Variants in OXR1 observed in about 807,000 individuals in gnomAD.
OXR1 encodes the protein oxidation resistance protein 1.
In OXR1, 41 loss-of-function variants were observed where a neutral mutation model predicts 104.6. That is an observed-to-expected ratio of 0.39 (90% CI 0.31 to 0.51). OXR1 has a LOEUF of 0.51. Among genes scored for constraint, OXR1 ranks in the 20% least tolerant of loss-of-function variants. OXR1 has a pLI of 0.77. For synonymous variants in OXR1, 348 were observed against 348.4 expected (o/e 1.00, Z 0.01); for missense variants, 955 against 1,031.9 (o/e 0.93, Z 1.02).
At chr8:106,360,841 A>T (rs1350300435) in intron 2 of OXR1, among the ~76,000 whole-genome samples, 1 of 152,150 alleles carries the variant, frequency 6.6e-6, no homozygotes, top group Non-Finnish European at 1.5e-5. Context: ...CTCCTGGCAA[A>T]TTGTGTGTAG....
chr8:106,304,024 T>C (rs1010164857), intron 1 of OXR1, among the ~76,000 whole-genome samples: 4 of 152,180 alleles, frequency 2.6e-5, no homozygotes, highest in East Asian at 1.9e-4. Flanking sequence ...CACAGGAAAA[T>C]TCATTCAATC....
chr8:106,499,326 T>C (rs1304306414), intron 2 of OXR1, among the ~76,000 whole-genome samples: 1 of 152,194 alleles, frequency 6.6e-6, no homozygotes, highest in Non-Finnish European at 1.5e-5. Flanking sequence ...ATGAAAAATG[T>C]TATTTCTAGT....
chr8:106,690,234 A>G (rs1829143599), intron 6 of OXR1, among the ~76,000 whole-genome samples: 1 of 150,838 alleles, frequency 6.6e-6, no homozygotes, highest in Non-Finnish European at 1.5e-5. Context: ...ATGTATTATA[A>G]TAAAACTATA....
rs867844034 is a variant in OXR1, at chr8:106,405,237, G to A, written c.23+45601G>A. Among the ~76,000 whole-genome samples, 69 of 119,394 alleles carry A rather than the reference G, an allele frequency of 5.8e-4. 2 individuals are homozygous for A. The highest frequency in any genetic ancestry group is 3.0e-3 in the African/African-American group (56 of 18,378). 78.3% of individuals were successfully genotyped at this position (119,394 alleles called of 152,430 possible). On this transcript the variant is annotated intron_variant, in intron 2 of 16. Transcript: ENST00000517566. ...TGTGTGTGTGTGTGTGTGTGTGTGTGTGTATAGGCTCATGTGATTATGGAG... is the reference window on the plus strand; with the variant it reads ...TGTGTGTGTGTGTGTGTGTGTGTGTATGTATAGGCTCATGTGATTATGGAG...
At chr8:106,708,115 G>C (rs760204003) in intron 9 of OXR1, among the ~76,000 whole-genome samples, 5 of 152,076 alleles carry the variant, frequency 3.3e-5, no homozygotes, top group Non-Finnish European at 7.4e-5. Context: ...AAGTTGGCCA[G>C]GCATGGTGGC....
intron 1 of OXR1, among the ~76,000 whole-genome samples, chr8:106,298,455 C>T (rs760638291): frequency 5.9e-5 from 9 of 152,122 alleles, no homozygotes; most frequent in Admixed American, 1.3e-4. Context: ...TTACCTCCCA[C>T]GACATGTGGG....
At chr8:106,400,104 AT>A (rs1168224809) in intron 2 of OXR1, among the ~76,000 whole-genome samples, 1 of 151,846 alleles carries the variant, frequency 6.6e-6, no homozygotes, top group Non-Finnish European at 1.5e-5. Flanking sequence ...TTCCTGAATC[AT>A]TTCTTGATTA....
intron 1 of OXR1, among the ~76,000 whole-genome samples, chr8:106,287,854 T>G (rs544767522): frequency 9.2e-4 from 140 of 152,290 alleles, no homozygotes; most frequent in African/African-American, 3.3e-3. Flanking sequence ...AATACTTGAT[T>G]TGTTATTAGT....
At chr8:106,360,859 A>T (rs144165005) in intron 2 of OXR1, among the ~76,000 whole-genome samples, 1 of 152,256 alleles carries the variant, frequency 6.6e-6, no homozygotes, top group East Asian at 1.9e-4. Flanking sequence ...TAGGAGATGA[A>T]TTCTCAAAAA....
intron 3 of OXR1, among the ~76,000 whole-genome samples, chr8:106,564,627 G>C (rs1307111795): frequency 6.6e-6 from 1 of 152,042 alleles, no homozygotes; most frequent in Non-Finnish European, 1.5e-5. Flanking sequence ...TCCCTAACTC[G>C]TTTTATGAGG....
chr8:106,481,951 T>A (rs560991374), intron 2 of OXR1, among the ~76,000 whole-genome samples: 1 of 152,108 alleles, frequency 6.6e-6, no homozygotes, highest in Non-Finnish European at 1.5e-5. Context: ...GATAATACAT[T>A]TGAGATACTG....
intron 14 of OXR1, among the ~76,000 whole-genome samples, chr8:106,741,249 A>G (rs1834893856): frequency 6.6e-6 from 1 of 152,184 alleles, no homozygotes; most frequent in Non-Finnish European, 1.5e-5. Flanking sequence ...CAAACATAAT[A>G]TTGAATTAGA....
chr8:106,742,370 G>T (rs117694098), intron 15 of OXR1, 53 bp downstream of exon 15: 2 of 998,934 alleles, frequency 2.0e-6, no homozygotes, highest in Middle Eastern at 2.1e-4. Context: ...ATAACATACT[G>T]CCCAAAGCAA....
intron 2 of OXR1, among the ~76,000 whole-genome samples, chr8:106,456,510 T>C (rs1209287671): frequency 6.6e-6 from 1 of 152,244 alleles, no homozygotes; most frequent in East Asian, 1.9e-4. Flanking sequence ...TTATTTTTAT[T>C]GATAAAATAA....
chr8:106,651,220 T>A (rs1224350554), intron 3 of OXR1, among the ~76,000 whole-genome samples: 1 of 152,184 alleles, frequency 6.6e-6, no homozygotes, highest in African/African-American at 2.4e-5. Context: ...TTTTTGATCT[T>A]CACCATCCTG....
intron 2 of OXR1, among the ~76,000 whole-genome samples, chr8:106,383,342 GA>G (rs1480967059): frequency 6.6e-6 from 1 of 152,068 alleles, no homozygotes; most frequent in Non-Finnish European, 1.5e-5. Context: ...TTTCAGCACT[GA>G]TAATAGGCCA....
chr8:106,481,147 C>G (rs17340319), intron 2 of OXR1, among the ~76,000 whole-genome samples: 12,157 of 151,924 alleles, frequency 0.08, 676 homozygotes, highest in Middle Eastern at 0.14. Flanking sequence ...ATAAGACAGG[C>G]AAGTGCTTTA....
chr8:106,292,568 T>A (rs765142069), intron 1 of OXR1, among the ~76,000 whole-genome samples: 14 of 152,194 alleles, frequency 9.2e-5, no homozygotes, highest in Non-Finnish European at 1.9e-4. Flanking sequence ...AGGTATCCAT[T>A]GGTGGGTCTT....
At chr8:106,444,815 T>A (rs975097805) in intron 2 of OXR1, among the ~76,000 whole-genome samples, 1 of 152,122 alleles carries the variant, frequency 6.6e-6, no homozygotes, top group Non-Finnish European at 1.5e-5. Context: ...AAAGAAGATA[T>A]ATTAAAAAGG....
Sources: allele counts gnomAD v4.1 joint callset (sites outside exome capture counted in the v4.1 genomes callset), GRCh38; gene constraint gnomAD v4.1.1; transcripts MANE v1.5; gene names NCBI Gene and HGNC (gene_info 2026-07-23, HGNC 2026-07-21).